The following XKR6 variants were observed in gnomAD, a reference collection of about 807,000 sequenced individuals.
The protein encoded by XKR6 is XK related 6.
Under a neutral mutation model 56.7 loss-of-function variants are expected in XKR6, and 22 were observed. The ratio of observed to expected loss-of-function variants is 0.39; its 90% CI spans 0.28 to 0.55. XKR6 has a LOEUF of 0.55. XKR6 is among the 20% of genes least tolerant of loss of function. XKR6 has a pLI of 0.66. For synonymous variants in XKR6, 524 were observed against 387.8 expected (o/e 1.35, Z -4.13); for missense variants, 852 against 889.0 (o/e 0.96, Z 0.53).
intron 1 of XKR6, among the ~76,000 whole-genome samples, chr8:11,086,871 C>T (rs925862395): frequency 3.9e-5 from 6 of 152,168 alleles, no homozygotes; most frequent in Non-Finnish European, 8.8e-5. Flanking sequence ...TAGAAATATT[C>T]GAAACAGAAC....
intron 1 of XKR6, chr8:11,195,262 G>C (rs940940941): frequency 2.9e-6 from 2 of 681,418 alleles, no homozygotes; most frequent in Admixed American, 2.2e-5. Flanking sequence ...TGTTTTTACA[G>C]TTTAACATTT....
intron 1 of XKR6, among the ~76,000 whole-genome samples, chr8:10,930,373 G>A (rs184363822): frequency 1.4e-4 from 21 of 152,256 alleles, no homozygotes; most frequent in Non-Finnish European, 2.8e-4. Flanking sequence ...CTACCAAACA[G>A]AGTAGAAATT....
intron 1 of XKR6, among the ~76,000 whole-genome samples, chr8:11,036,836 G>A (rs1479595241): frequency 6.6e-6 from 1 of 152,204 alleles, no homozygotes; most frequent in African/African-American, 2.4e-5. Flanking sequence ...TTTCATGTCC[G>A]AACTCCCTGG....
At chr8:11,103,789 T>C (rs1368061809) in intron 1 of XKR6, among the ~76,000 whole-genome samples, 4 of 152,234 alleles carry the variant, frequency 2.6e-5, no homozygotes, top group African/African-American at 9.6e-5. Flanking sequence ...ACACAATTTT[T>C]GATCATGTCA....
intron 1 of XKR6, among the ~76,000 whole-genome samples, chr8:11,178,578 A>G (rs1585023179): frequency 6.9e-6 from 1 of 145,010 alleles, no homozygotes; most frequent in South Asian, 2.2e-4. Flanking sequence ...ATATATGTAT[A>G]TATATATGTA....
At chr8:11,152,410 G>C (rs1259692336) in intron 1 of XKR6, among the ~76,000 whole-genome samples, 1 of 152,164 alleles carries the variant, frequency 6.6e-6, no homozygotes, top group Non-Finnish European at 1.5e-5. Flanking sequence ...AATATACTGA[G>C]TGGGATTTTT....
At chr8:10,977,239 G>T (rs898069922) in intron 1 of XKR6, among the ~76,000 whole-genome samples, 1 of 152,078 alleles carries the variant, frequency 6.6e-6, no homozygotes. Context: ...AGGAGGGGTG[G>T]CCTGCCTGAA....
intron 1 of XKR6, among the ~76,000 whole-genome samples, chr8:11,155,099 G>T (rs1428184202): frequency 6.6e-6 from 1 of 152,176 alleles, no homozygotes; most frequent in African/African-American, 2.4e-5. Context: ...CCAACCACTG[G>T]CACCTGCTTC....
chr8:11,033,536 TGAA>T (rs768426144), intron 1 of XKR6, among the ~76,000 whole-genome samples: 5 of 152,002 alleles, frequency 3.3e-5, no homozygotes, highest in Non-Finnish European at 5.9e-5. Flanking sequence ...AAAAACAAAA[TGAA>T]GAAGATCACG....
intron 1 of XKR6, among the ~76,000 whole-genome samples, chr8:11,114,769 G>A (rs937331619): frequency 6.3e-5 from 9 of 142,144 alleles, no homozygotes; most frequent in African/African-American, 2.1e-4. Context: ...GTGTGTGTGT[G>A]TGTGTATGTG....
chr8:11,083,501 C>T (rs775915234), intron 1 of XKR6, among the ~76,000 whole-genome samples: 61 of 152,120 alleles, frequency 4.0e-4, no homozygotes, highest in Non-Finnish European at 6.9e-4. Context: ...CTTTTTATTA[C>T]ACCCCCCGTT....
chr8:11,135,093 C>T (rs972443493), intron 1 of XKR6, among the ~76,000 whole-genome samples: 3 of 150,212 alleles, frequency 2.0e-5, no homozygotes, highest in African/African-American at 7.4e-5. Context: ...AGTGCAGTGG[C>T]ACGATCTTGG....
chr8:10,982,646 G>A (rs1004181509), intron 1 of XKR6, among the ~76,000 whole-genome samples: 6 of 152,302 alleles, frequency 3.9e-5, no homozygotes, highest in East Asian at 1.9e-4. Context: ...GAGTCAGATC[G>A]TTTTATGAGA....
intron 2 of XKR6, among the ~76,000 whole-genome samples, chr8:10,899,451 G>A (rs1375152150): frequency 6.6e-6 from 1 of 152,176 alleles, no homozygotes; most frequent in South Asian, 2.1e-4. Flanking sequence ...AGTCCCAAAA[G>A]GCCCTTTCCT....
chr8:11,196,024 C>T (rs1221324059), intron 1 of XKR6, among the ~76,000 whole-genome samples: 3 of 151,732 alleles, frequency 2.0e-5, no homozygotes, highest in African/African-American at 7.3e-5. Context: ...AAAGTACACT[C>T]TCTCTCTACC....
chr8:11,097,829 T>TTA (rs1235022982), intron 1 of XKR6, among the ~76,000 whole-genome samples: 2 of 132,564 alleles, frequency 1.5e-5, no homozygotes, highest in East Asian at 2.1e-4. Context: ...AAAAAAAAAA[T>TTA]TATACAAATG....
chr8:11,044,764 G>A (rs1352351234), intron 1 of XKR6, among the ~76,000 whole-genome samples: 2 of 151,676 alleles, frequency 1.3e-5, no homozygotes, highest in Non-Finnish European at 1.5e-5. Flanking sequence ...GACTACAGGC[G>A]AATGCCACCA....
chr8:10,952,019 G>A (rs1457641754), intron 1 of XKR6, among the ~76,000 whole-genome samples: 1 of 152,120 alleles, frequency 6.6e-6, no homozygotes, highest in Non-Finnish European at 1.5e-5. Flanking sequence ...TGGGCCAGTG[G>A]GTAGGGGAGT....
At chr8:11,192,775 G>A (rs139942456) in intron 1 of XKR6, among the ~76,000 whole-genome samples, 1 of 152,224 alleles carries the variant, frequency 6.6e-6, no homozygotes, top group East Asian at 1.9e-4. Context: ...CTGTAGTAAG[G>A]CCTGGAATCC....
Sources: allele counts gnomAD v4.1 joint callset (sites outside exome capture counted in the v4.1 genomes callset), GRCh38; gene constraint gnomAD v4.1.1; transcripts MANE v1.5; gene names NCBI Gene and HGNC (gene_info 2026-07-23, HGNC 2026-07-21).